The following PTCHD4 variants were observed in gnomAD, a reference collection of about 807,000 sequenced individuals.
The protein encoded by PTCHD4 is patched domain-containing protein 4.
In PTCHD4, 33 loss-of-function variants were observed where a neutral mutation model predicts 58.1. That is an observed-to-expected ratio of 0.57 (90% CI 0.43 to 0.76). The LOEUF is 0.76. Ranked by LOEUF, PTCHD4 falls within the 30% of genes least tolerant of loss-of-function variation. PTCHD4 has a pLI of 0.00. For synonymous variants in PTCHD4, 478 were observed against 409.6 expected (o/e 1.17, Z -2.02); for missense variants, 1,058 against 1,027.1 (o/e 1.03, Z -0.41).
chr6:48,000,346 C>G (rs549269287), intron 4 of PTCHD4, among the ~76,000 whole-genome samples: 12 of 152,198 alleles, frequency 7.9e-5, no homozygotes, highest in Admixed American at 7.2e-4. Flanking sequence ...TACTGTAAAC[C>G]TCATTTTTTG....
chr6:47,858,477 A>G lies in PTCHD4; in HGVS notation c.*19826T>C, dbSNP rs1170138759. Among the ~76,000 whole-genome samples, 1 of 152,044 alleles carries G rather than the reference A, an allele frequency of 6.6e-6. No homozygotes were observed. Among genetic ancestry groups the G allele is most frequent in the Non-Finnish European group, 1.5e-5 (1 of 67,972 alleles). On this transcript the variant is annotated 3_prime_UTR_variant, in exon 5 of 5. Transcript: ENST00000339488. ...TAAAAGTTATCACATCTCCCAAACA[A>G]CTATCATTTATGATACTTTCAGAAG... is the stretch of plus-strand genomic sequence containing the variant.
chr6:48,053,384 A>C (rs1399986752), intron 3 of PTCHD4, among the ~76,000 whole-genome samples: 2 of 152,186 alleles, frequency 1.3e-5, no homozygotes, highest in African/African-American at 4.8e-5. Flanking sequence ...GCTTAGCAAA[A>C]GTATAGGTTA....
At chr6:47,938,396 T>TAAC (rs983472044) in intron 4 of PTCHD4, among the ~76,000 whole-genome samples, 55 of 152,240 alleles carry the variant, frequency 3.6e-4, no homozygotes, top group African/African-American at 1.1e-3. Flanking sequence ...ATCAACAATC[T>TAAC]AACAAAGAAG....
chr6:47,862,128 G>T lies in PTCHD4; in HGVS notation c.*16175C>A, dbSNP rs976449546. 2.0e-5 allele frequency among the ~76,000 whole-genome samples: 3 copies of T among 151,986 alleles called. No homozygotes were observed. Among genetic ancestry groups the T allele is most frequent in the Middle Eastern group, 3.4e-3 (1 of 294 alleles). ...TACATATTGTGTGTAACTCTGATTGGAGTTTCAGCACTTCTTTATTGTATA... is the reference window on the plus strand; with the variant it reads ...TACATATTGTGTGTAACTCTGATTGTAGTTTCAGCACTTCTTTATTGTATA... On this transcript the variant is annotated 3_prime_UTR_variant, in exon 5 of 5. Coordinates refer to ENST00000339488, the MANE Select transcript of PTCHD4 (RefSeq NM_001384253.1).
chr6:47,967,985 C>T (rs1581949028), intron 4 of PTCHD4, among the ~76,000 whole-genome samples: 1 of 152,170 alleles, frequency 6.6e-6, no homozygotes, highest in African/African-American at 2.4e-5. Context: ...TTACTCTCCT[C>T]TAAGAACTTT....
chr6:47,947,328 T>C (rs1026188943), intron 4 of PTCHD4, among the ~76,000 whole-genome samples: 1 of 152,156 alleles, frequency 6.6e-6, no homozygotes, highest in African/African-American at 2.4e-5. Context: ...TACCCTATCA[T>C]TAGATTTTTT....
At chr6:48,100,391 C>A (rs941405082) in intron 1 of PTCHD4, among the ~76,000 whole-genome samples, 15 of 152,134 alleles carry the variant, frequency 9.9e-5, no homozygotes, top group Middle Eastern at 3.2e-3. Context: ...CAATATAATT[C>A]CTTCCCTTAT....
At chr6:48,078,963 C>CA (rs912541107) in intron 1 of PTCHD4, among the ~76,000 whole-genome samples, 4 of 151,786 alleles carry the variant, frequency 2.6e-5, no homozygotes, top group Non-Finnish European at 5.9e-5. Context: ...CTAAAAAATA[C>CA]AAAAAATTAG....
At chr6:48,019,674 T>C (rs183967555) in intron 3 of PTCHD4, among the ~76,000 whole-genome samples, 25 of 151,162 alleles carry the variant, frequency 1.7e-4, no homozygotes, top group Non-Finnish European at 3.5e-4. Context: ...AGGCGGAGCT[T>C]GCACTGAGCT....
chr6:47,941,172 A>G (rs1209628729), intron 4 of PTCHD4, among the ~76,000 whole-genome samples: 1 of 152,196 alleles, frequency 6.6e-6, no homozygotes. Flanking sequence ...TGGGTTTCTG[A>G]TTAAAGTCCA....
At chr6:48,082,796 G>A (rs182212248) in intron 1 of PTCHD4, among the ~76,000 whole-genome samples, 1 of 152,020 alleles carries the variant, frequency 6.6e-6, no homozygotes, top group Admixed American at 6.6e-5. Context: ...ATAAGAAATT[G>A]ACATTATTAA....
intron 1 of PTCHD4, among the ~76,000 whole-genome samples, chr6:48,094,114 G>GA (rs752911704): frequency 5.8e-4 from 89 of 152,198 alleles, no homozygotes; most frequent in Non-Finnish European, 1.0e-3. Context: ...AGTGATTCTA[G>GA]AAAAAATGGT....
chr6:47,925,731 A>T (rs1208876237), intron 4 of PTCHD4, among the ~76,000 whole-genome samples: 1 of 151,750 alleles, frequency 6.6e-6, no homozygotes, highest in Non-Finnish European at 1.5e-5. Context: ...CTTCCCAATA[A>T]ATTTGCATGG....
intron 4 of PTCHD4, among the ~76,000 whole-genome samples, chr6:47,957,612 T>C: frequency 6.6e-6 from 1 of 150,662 alleles, no homozygotes; most frequent in East Asian, 1.9e-4. Flanking sequence ...TTTTATTTTT[T>C]TTTTTGGAGA....
At chr6:47,957,584 T>A (rs986497998) in intron 4 of PTCHD4, among the ~76,000 whole-genome samples, 34 of 138,798 alleles carry the variant, frequency 2.4e-4, no homozygotes, top group Admixed American at 8.7e-4. Flanking sequence ...TTTTTTTTTT[T>A]ATTTTTTTTA....
chr6:48,106,700 A>G (rs1765733096), intron 1 of PTCHD4, among the ~76,000 whole-genome samples: 1 of 152,060 alleles, frequency 6.6e-6, no homozygotes. Flanking sequence ...TGTCTAGAAA[A>G]CCCCATTGTC....
At chr6:47,989,172 G>C (rs780646705) in intron 4 of PTCHD4, among the ~76,000 whole-genome samples, 7 of 152,146 alleles carry the variant, frequency 4.6e-5, no homozygotes, top group Non-Finnish European at 5.9e-5. Context: ...GTGGAACTTT[G>C]AGCTTGAGAA....
At chr6:48,072,381 A>G (rs1372276351) in intron 1 of PTCHD4, among the ~76,000 whole-genome samples, 1 of 152,170 alleles carries the variant, frequency 6.6e-6, no homozygotes, top group East Asian at 1.9e-4. Context: ...GGCCACTGAA[A>G]GGAATTCTTT....
intron 4 of PTCHD4, among the ~76,000 whole-genome samples, chr6:47,950,440 T>C (rs558503102): frequency 6.6e-6 from 1 of 152,152 alleles, no homozygotes; most frequent in East Asian, 1.9e-4. Context: ...TTTGGATACA[T>C]TTTGAAGGTA....
Sources: allele counts gnomAD v4.1 joint callset (sites outside exome capture counted in the v4.1 genomes callset), GRCh38; gene constraint gnomAD v4.1.1; transcripts MANE v1.5; gene names NCBI Gene and HGNC (gene_info 2026-07-23, HGNC 2026-07-21).